Variants in RFX8 observed in about 807,000 individuals in gnomAD.
RFX8 encodes the protein DNA-binding protein RFX8.
A neutral mutation model predicts 54.6 loss-of-function variants in RFX8; 46 were observed. The ratio of observed to expected loss-of-function variants is 0.84; its 90% confidence interval spans 0.67 to 1.08. The LOEUF (loss-of-function observed/expected upper bound fraction) is 1.08. RFX8 is among the 50% of genes least tolerant of loss of function. The pLI, the probability that RFX8 is intolerant of heterozygous loss-of-function variation, is 0.00. For synonymous variants in RFX8, 192 were observed against 209.5 expected, an observed-to-expected ratio of 0.92 and a Z score of 0.72; for missense variants, 536 against 562.3, an observed-to-expected ratio of 0.95 and a Z score of 0.47.
At chr2:101,403,352 T>A (rs1260690917) in intron 10 of RFX8, among the ~76,000 whole-genome samples, 1 of 152,064 alleles carries the variant, frequency 6.6e-6, no homozygotes, top group African/African-American at 2.4e-5. Flanking sequence ...ATGCTCCAAA[T>A]CCCAAGGCCT....
intron 2 of RFX8, among the ~76,000 whole-genome samples, chr2:101,465,657 T>C (rs1302024646): frequency 6.6e-6 from 1 of 152,234 alleles, no homozygotes; most frequent in Non-Finnish European, 1.5e-5. Context: ...TGTATTTATA[T>C]AGAGTATTAA....
rs115333912 is a variant in RFX8, at chr2:101,397,466, G to A, written c.*82C>T. 13,924 of 895,964 alleles carry A rather than the reference G, an allele frequency of 0.016. 136 individuals are homozygous for A. Among genetic ancestry groups the A allele is most frequent in the Non-Finnish European group, 0.017 (10,639 of 611,000 alleles). The allele number at this position is 895,964 out of a possible 1,614,324, so 55.5% of individuals were successfully genotyped here. ...TATTATATACATAACATCATCTTTC[G>A]TCAATAGAAAAACTTTAGTATTTAA... On this transcript the variant is annotated 3_prime_UTR_variant, in exon 12 of 12. Transcript: ENST00000428343.
Position 101,417,414 on chromosome 2 carries a change from C to T in RFX8, c.502+120G>A, listed in dbSNP as rs1489451250. The stretch of plus-strand genomic sequence containing the variant: ...TGAGACAGGATCTCACTATGTTGCC[C>T]GGGCTGGTCTCAAACTCCTGGCCTC... On this transcript the variant is annotated intron_variant, in intron 6 of 11. Coordinates refer to ENST00000428343, the MANE Select transcript of RFX8 (RefSeq NM_001145664.2). 10 of 865,854 alleles carry T rather than the reference C, an allele frequency of 1.2e-5. 1 individual carries two copies. Among genetic ancestry groups the T allele is most frequent in the South Asian group, 5.6e-5 (3 of 53,158 alleles). The allele number at this position is 865,854 out of a possible 1,614,324, so 53.6% of individuals were successfully genotyped here. A position where few individuals can be genotyped will look rare whatever the true frequency, so the allele number is the denominator to read the frequency against.
intron 2 of RFX8, among the ~76,000 whole-genome samples, chr2:101,455,998 C>T (rs1431206620): frequency 6.6e-6 from 1 of 152,134 alleles, no homozygotes; most frequent in Admixed American, 6.5e-5. Flanking sequence ...GGAGTTCACT[C>T]ATGATTTGGC....
chr2:101,457,971 C>CT (rs1182163199), intron 2 of RFX8, among the ~76,000 whole-genome samples: 1 of 152,202 alleles, frequency 6.6e-6, no homozygotes, highest in Non-Finnish European at 1.5e-5. Context: ...TAATGGCCTT[C>CT]TTTGTCTCTT....
At chr2:101,469,110 G>A (rs2056067) in intron 1 of RFX8, among the ~76,000 whole-genome samples, 7,479 of 23,302 alleles carry the variant, frequency 0.32, 1,177 homozygotes, top group African/African-American at 0.56. Flanking sequence ...ATATATAAGT[G>A]TATATATATA....
At chr2:101,414,002 C>G (rs1464359334) in intron 7 of RFX8, among the ~76,000 whole-genome samples, 1 of 152,146 alleles carries the variant, frequency 6.6e-6, no homozygotes, top group Non-Finnish European at 1.5e-5. Context: ...GCTCACAGGA[C>G]TTGAGAGAGG....
chr2:101,408,094 G>A (rs1400641443), intron 9 of RFX8, among the ~76,000 whole-genome samples: 1 of 152,176 alleles, frequency 6.6e-6, no homozygotes, highest in Non-Finnish European at 1.5e-5. Flanking sequence ...AGGGCTGAAG[G>A]CACAACGATG....
chr2:101,461,773 C>G (rs775279383), intron 2 of RFX8, among the ~76,000 whole-genome samples: 10 of 152,126 alleles, frequency 6.6e-5, no homozygotes, highest in Non-Finnish European at 1.0e-4. Context: ...TGAAACAAAT[C>G]AATAGGAAAT....
chr2:101,462,417 A>G lies in RFX8; in HGVS notation c.72+4360T>C, dbSNP rs144610923. Among the ~76,000 whole-genome samples, 170 of 152,310 alleles carry G rather than the reference A, an allele frequency of 1.1e-3. 1 individual carries two copies. The highest frequency in any genetic ancestry group is 2.1e-3 in the Non-Finnish European group (145 of 68,030). ...TGTATTCCAGCCTAAGTGACAGAGCAACACTCTGCCTCAAAAAAAGGGGGG... is the reference window on the plus strand; with the variant it reads ...TGTATTCCAGCCTAAGTGACAGAGCGACACTCTGCCTCAAAAAAAGGGGGG... On this transcript the variant is annotated intron_variant, in intron 2 of 11. Transcript: ENST00000428343.
At chr2:101,412,290 G>T (rs920894343) in intron 8 of RFX8, among the ~76,000 whole-genome samples, 1 of 152,126 alleles carries the variant, frequency 6.6e-6, no homozygotes, top group African/African-American at 2.4e-5. Flanking sequence ...CTGCCACTAT[G>T]TTCGCTCCCC....
At chr2:101,450,699 T>TCTTTAAATTTATGTCTAA in intron 2 of RFX8, 1 of 1,312,248 alleles carries the variant, frequency 7.6e-7, no homozygotes, top group Non-Finnish European at 1.1e-6. Flanking sequence ...ATAAAGGTTG[T>TCTTTAAATTTATGTCTAA]CTTTAAATTT....
chr2:101,448,772 G>T (rs1392737791), intron 2 of RFX8, among the ~76,000 whole-genome samples: 1 of 152,178 alleles, frequency 6.6e-6, no homozygotes, highest in African/African-American at 2.4e-5. Flanking sequence ...TTAATTTATT[G>T]TTCAAACTAG....
Position 101,418,911 on chromosome 2 carries a change from C to G in RFX8, c.291G>C (p.Met97Ile). 6.4e-7 allele frequency: 1 copy of G among 1,551,638 alleles called. No homozygotes were observed. The highest frequency in any genetic ancestry group is 8.7e-7 in the Non-Finnish European group (1 of 1,146,928). ...GGCACACGTCAGGCAATGACATCAG[C>G]ATGACTGTGTCTTGCTGCAGAGACT... ...FWKSLQQDTV[M>I]LMSLPDVCQL... Residue 97 changes from methionine to isoleucine, a missense_variant, in exon 5 of 12, where the codon ATG becomes ATC. Physicochemically the swap from Met to Ile is conservative, Grantham distance 10 (BLOSUM62 1). Coordinates refer to ENST00000428343, the MANE Select transcript of RFX8 (RefSeq NM_001145664.2).
At chr2:101,436,164 C>T (rs755637012) in intron 2 of RFX8, among the ~76,000 whole-genome samples, 3 of 152,068 alleles carry the variant, frequency 2.0e-5, no homozygotes, top group Admixed American at 6.6e-5. Flanking sequence ...ATTTACAGGG[C>T]TTAGGGGGCA....
Position 101,417,594 on chromosome 2 carries a change from G to A in RFX8, c.442C>T (p.Leu148=). 6.4e-7 allele frequency: 1 copy of A among 1,551,764 alleles called. No homozygotes were observed. The highest frequency in any genetic ancestry group is 8.7e-7 in the Non-Finnish European group (1 of 1,146,850). The change falls in exon 6 of 12, where the codon CTG becomes TTG. Residue 148 remains leucine (L), a synonymous_variant. Transcript: ENST00000428343. ...CCTTCCAAAGCATTAAGGAGCCACAGCTTAAATTTCTTACTAAATAACTGC... is the reference window on the plus strand; with the variant it reads ...CCTTCCAAAGCATTAAGGAGCCACAACTTAAATTTCTTACTAAATAACTGC... ...SVQLFSKKFK[L]WLLNALEGVP...
At chr2:101,454,282 A>C (rs2148977277) in intron 2 of RFX8, among the ~76,000 whole-genome samples, 1 of 152,240 alleles carries the variant, frequency 6.6e-6, no homozygotes, top group Non-Finnish European at 1.5e-5. Flanking sequence ...ACATTTTCCT[A>C]ATCCAGTCTA....
At chr2:101,413,688 A>T (rs1159428496) in intron 7 of RFX8, among the ~76,000 whole-genome samples, 1 of 152,126 alleles carries the variant, frequency 6.6e-6, no homozygotes, top group African/African-American at 2.4e-5. Flanking sequence ...AGTAAGTGGG[A>T]AGATAAGGCT....
chr2:101,451,172 A>C (rs955271493), intron 2 of RFX8, among the ~76,000 whole-genome samples: 3 of 152,262 alleles, frequency 2.0e-5, no homozygotes, highest in Non-Finnish European at 4.4e-5. Flanking sequence ...GGCTTCAGAC[A>C]AAATTTTTTC....
Sources: gnomAD v4.1 joint callset for allele counts (sites outside exome capture counted in the v4.1 genomes callset) on GRCh38, gnomAD v4.1.1 for gene constraint, MANE v1.5 for transcripts, NCBI Gene and HGNC (gene_info 2026-07-23, HGNC 2026-07-21) for gene names.